The following SSBP2 variants were observed in gnomAD, a reference collection of about 807,000 sequenced individuals.
The protein encoded by SSBP2 is single-stranded DNA-binding protein 2.
Under a neutral mutation model 61.8 loss-of-function variants are expected in SSBP2, and 17 were observed. The ratio of observed to expected loss-of-function variants is 0.28; its 90% confidence interval spans 0.19 to 0.41. The LOEUF (loss-of-function observed/expected upper bound fraction) is 0.41, where lower values mean the gene tolerates loss of function less well. Among genes scored for constraint, SSBP2 ranks in the 10% least tolerant of loss-of-function variants. The probability of loss-of-function intolerance (pLI) is 1.00; values close to 1 mark genes in which losing one functional copy is unlikely to be tolerated. For missense variants in SSBP2, 310 were observed against 458.7 expected, an observed-to-expected ratio of 0.68 and a Z score of 2.96; for synonymous variants, 139 against 141.3, an observed-to-expected ratio of 0.98 and a Z score of 0.12.
chr5:81,448,872 T>C lies in SSBP2; in HGVS notation c.688-47A>G, dbSNP rs1424965291. 7 of 1,389,896 alleles carry C rather than the reference T, an allele frequency of 5.0e-6. No individual in the cohort carries two copies. In the East Asian group the frequency reaches 1.4e-4, roughly 27 times the overall value. The allele number at this position is 1,389,896 out of a possible 1,614,324, so 86.1% of individuals were successfully genotyped here. On this transcript the variant is annotated intron_variant, in intron 10 of 16. Coordinates refer to ENST00000320672, the MANE Select transcript of SSBP2 (RefSeq NM_012446.5). Reference sequence around the variant, plus strand: ...AAAATTTTTGATTCATGTAGCAATATGGACACTGACCTAAAATGAATTTAT... The same window carrying C: ...AAAATTTTTGATTCATGTAGCAATACGGACACTGACCTAAAATGAATTTAT...
intron 6 of SSBP2, among the ~76,000 whole-genome samples, chr5:81,477,780 T>G (rs1765692257): frequency 6.6e-6 from 1 of 152,254 alleles, no homozygotes; most frequent in Admixed American, 6.5e-5. Flanking sequence ...AGGGACCCTA[T>G]CTGTGCCTAC....
intron 1 of SSBP2, among the ~76,000 whole-genome samples, chr5:81,732,776 A>C (rs573427105): frequency 1.3e-5 from 2 of 152,230 alleles, no homozygotes; most frequent in African/African-American, 4.8e-5. Context: ...TAACAAAAGC[A>C]AAGTATCTTA....
At chr5:81,585,526 T>C (rs1774991745) in intron 4 of SSBP2, among the ~76,000 whole-genome samples, 1 of 151,892 alleles carries the variant, frequency 6.6e-6, no homozygotes, top group African/African-American at 2.4e-5. Context: ...TTAAAAAAAA[T>C]CTGCAATTGA....
intron 1 of SSBP2, among the ~76,000 whole-genome samples, chr5:81,726,321 C>T (rs1463655495): frequency 6.6e-6 from 1 of 152,060 alleles, no homozygotes; most frequent in African/African-American, 2.4e-5. Flanking sequence ...TATTCCTGCC[C>T]CATACCTTAG....
chr5:81,679,009 T>A (rs959473979), intron 1 of SSBP2, among the ~76,000 whole-genome samples: 1 of 152,116 alleles, frequency 6.6e-6, no homozygotes, highest in Non-Finnish European at 1.5e-5. Context: ...ATAAAATTTT[T>A]TATTTATTTA....
chr5:81,513,483 A>G (rs1768776635), intron 5 of SSBP2, 145 bp downstream of exon 5: 1 of 531,056 alleles, frequency 1.9e-6, no homozygotes, highest in Non-Finnish European at 3.4e-6. Flanking sequence ...GATATAATAG[A>G]TAACCCATCT....
At chr5:81,722,971 C>G (rs1369855975) in intron 1 of SSBP2, among the ~76,000 whole-genome samples, 1 of 151,926 alleles carries the variant, frequency 6.6e-6, no homozygotes, top group Non-Finnish European at 1.5e-5. Flanking sequence ...AGACACTTTA[C>G]CAGTATCTAT....
intron 4 of SSBP2, among the ~76,000 whole-genome samples, chr5:81,559,384 CAAAAAAAAA>C (rs36034616): frequency 5.2e-4 from 50 of 95,980 alleles, no homozygotes; most frequent in Non-Finnish European, 2.5e-4. Flanking sequence ...GAGATTTCAT[CAAAAAAAAA>C]AAAAAAAAAA....
At chr5:81,592,026 C>A (rs1053149349) in intron 4 of SSBP2, among the ~76,000 whole-genome samples, 6 of 152,230 alleles carry the variant, frequency 3.9e-5, no homozygotes, top group African/African-American at 1.4e-4. Flanking sequence ...CAAGCCGAAG[C>A]AGGGCGAGGC....
At chr5:81,709,056 A>C (rs1261504704) in intron 1 of SSBP2, among the ~76,000 whole-genome samples, 1 of 152,062 alleles carries the variant, frequency 6.6e-6, no homozygotes, top group Non-Finnish European at 1.5e-5. Flanking sequence ...AAAAGTAAGC[A>C]TGAAATAGTG....
intron 1 of SSBP2, among the ~76,000 whole-genome samples, chr5:81,708,777 G>C (rs1358754108): frequency 2.0e-5 from 3 of 151,950 alleles, no homozygotes; most frequent in African/African-American, 7.2e-5. Context: ...CAAGTCTTTA[G>C]GAGTGAGTTG....
intron 1 of SSBP2, among the ~76,000 whole-genome samples, chr5:81,749,675 AAG>A (rs1491129957): frequency 8.0e-5 from 12 of 149,514 alleles, no homozygotes; most frequent in South Asian, 4.3e-4. Context: ...TTAAAAAAAA[AAG>A]GGGGGGGTTC....
intron 3 of SSBP2, among the ~76,000 whole-genome samples, chr5:81,622,220 C>T (rs573084215): frequency 1.3e-5 from 2 of 151,928 alleles, no homozygotes; most frequent in Admixed American, 1.3e-4. Context: ...AATTATGCTC[C>T]TTACAAAACA....
intron 1 of SSBP2, among the ~76,000 whole-genome samples, chr5:81,746,449 T>C (rs533900261): frequency 6.6e-6 from 1 of 152,128 alleles, no homozygotes; most frequent in African/African-American, 2.4e-5. Context: ...GAGATCTCTA[T>C]TACTTTTCTT....
chr5:81,607,949 A>G (rs909092373), intron 4 of SSBP2, among the ~76,000 whole-genome samples: 1 of 152,160 alleles, frequency 6.6e-6, no homozygotes, highest in Non-Finnish European at 1.5e-5. Flanking sequence ...ATGCTATCCA[A>G]GTCAGTCTAC....
chr5:81,643,595 CTTTTTT>C (rs368511957), intron 2 of SSBP2, among the ~76,000 whole-genome samples: 3 of 60,274 alleles, frequency 5.0e-5, no homozygotes, highest in African/African-American at 1.9e-4. Context: ...TTTTTCCTTT[CTTTTTT>C]TTTTTTTTTT....
In SSBP2 at chr5:81,606,247, T is replaced by A. The variant is rs373374907; in HGVS notation, c.282+9226A>T. 7.9e-5 allele frequency among the ~76,000 whole-genome samples: 12 copies of A among 152,104 alleles called. No individual in the cohort carries two copies. In the East Asian group the frequency reaches 2.1e-3, roughly 27 times the overall value. On this transcript the variant is annotated intron_variant, in intron 4 of 16. Transcript: ENST00000320672. Reference sequence around the variant, plus strand: ...ACAAAAGCCTAGTTTCTCTCAAAGGTAGAATTAGTCTGAAAGACCCAGCAA... The same window carrying A: ...ACAAAAGCCTAGTTTCTCTCAAAGGAAGAATTAGTCTGAAAGACCCAGCAA...
At chr5:81,542,576 TA>T (rs1329430531) in intron 4 of SSBP2, among the ~76,000 whole-genome samples, 1 of 151,750 alleles carries the variant, frequency 6.6e-6, no homozygotes, top group Non-Finnish European at 1.5e-5. Context: ...ATACACATGG[TA>T]TATATTCCAT....
chr5:81,646,179 C>T (rs1749248671), intron 2 of SSBP2, among the ~76,000 whole-genome samples: 1 of 152,050 alleles, frequency 6.6e-6, no homozygotes, highest in South Asian at 2.1e-4. Flanking sequence ...AAGAAGTGAC[C>T]CAGCACAGTA....
Sources: gnomAD v4.1 joint callset for allele counts (sites outside exome capture counted in the v4.1 genomes callset) on GRCh38, gnomAD v4.1.1 for gene constraint, MANE v1.5 for transcripts, NCBI Gene and HGNC (gene_info 2026-07-23, HGNC 2026-07-21) for gene names.